Variants in DCHS1 observed in about 807,000 individuals in gnomAD.
DCHS1 encodes the protein dachsous cadherin-related 1.
DCHS1 carries 78 observed loss-of-function variants against 213.9 expected under a neutral mutation model. The ratio of observed to expected loss-of-function variants is 0.36; its 90% CI spans 0.30 to 0.44. DCHS1 has a LOEUF of 0.44. DCHS1 is among the 20% of genes least tolerant of loss of function. DCHS1 has a pLI of 1.00. For missense variants in DCHS1, 3,946 were observed against 4,395.9 expected (o/e 0.90, Z 2.89); for synonymous variants, 1,828 against 1,873.7 (o/e 0.98, Z 0.63).
At position 6,626,125 on chromosome 11, in the gene DCHS1, A is replaced by C; in HGVS notation, c.6576+44T>G. 6.3e-7 allele frequency: 1 copy of C among 1,596,086 alleles called. No individual in the cohort carries two copies. Among genetic ancestry groups the C allele is most frequent in the Non-Finnish European group, 8.5e-7 (1 of 1,171,276 alleles). On this transcript the variant is annotated intron_variant, in intron 16 of 20. Transcript: ENST00000299441. This position sits in a 1 kb window ranked among gnomAD's most constrained non-coding sequence, Gnocchi z 5.2. ...ACTGGTCTGGCCACAGACAAGTCTG[A>C]CTAGCCCTGCTCCCCCGCCCAATCT...
chr11:6,640,329 G>C lies in DCHS1; in HGVS notation c.1285C>G (p.Arg429Gly), dbSNP rs369236555. 4 of 1,609,920 alleles carry C rather than the reference G, an allele frequency of 2.5e-6. No individual in the cohort carries two copies. The South Asian group carries it at 4.4e-5, about 18-fold the overall frequency. The change falls in exon 2 of 21, where the codon CGG (arginine) becomes GGG (glycine). Residue 429 changes from arginine (R) to glycine (G), a missense_variant. By Grantham distance (125) the Arg-to-Gly change is moderately radical. Coordinates refer to ENST00000299441, the MANE Select transcript of DCHS1 (RefSeq NM_003737.4). This position sits in a 1 kb window ranked among gnomAD's most constrained non-coding sequence, Gnocchi z 6.5. ...SVIYLVCVAR[R>G]LDREERDAYN... The stretch of plus-strand genomic sequence containing the variant: ...GCATCCCTCTCCTCTCGATCCAGCC[G>C]CCGAGCCACACACACCAGATAGATG...
Position 6,624,288 on chromosome 11 carries a change from G to A in DCHS1, c.7388C>T (p.Ala2463Val). 6.3e-7 allele frequency: 1 copy of A among 1,598,546 alleles called. No homozygotes were observed. The highest frequency in any genetic ancestry group is 8.5e-7 in the Non-Finnish European group (1 of 1,173,572). The change falls in exon 21 of 21, where the codon GCA becomes GTA. Residue 2463 changes from alanine (A) to valine (V), a missense_variant. By Grantham distance (64) the Ala-to-Val change is moderately conservative. Around this residue, in one of 3 missense-constraint regions of DCHS1, gnomAD observed 3,384 missense variants for 3,780.1 expected, o/e 0.90. Transcript: ENST00000299441. ...CTGCACGTGCACTGTGGCTCGTGCT[G>A]CCCGGCCTGGAGCCCCGTGGTCTCG... Reference protein sequence around the residue: ...EARDHGAPGRAARATVHVQLQ... With the variant: ...EARDHGAPGRVARATVHVQLQ...
In DCHS1 at chr11:6,626,629, C is replaced by T; in HGVS notation, c.6287G>A (p.Gly2096Glu). The T allele has an allele frequency of 6.2e-7, 1 of 1,613,980 alleles. No homozygotes were observed. Among genetic ancestry groups the T allele is most frequent in the East Asian group, 2.2e-5 (1 of 44,882 alleles). ...PIVSPRAVHA[G>E]GTNGPITYSI... ...GTAGGTGATGGGTCCATTTGTGCCT[C>T]CTGCATGGACGGCCCTGGGGGAGAC... is the stretch of plus-strand genomic sequence containing the variant. The change falls in exon 15 of 21, where the codon GGA becomes GAA. Residue 2096 changes from glycine to glutamate, a missense_variant. Physicochemically the swap from Gly to Glu is moderately conservative, Grantham distance 98. Coordinates refer to ENST00000299441, the MANE Select transcript of DCHS1 (RefSeq NM_003737.4). The surrounding 1 kb of genome is among the most constrained non-coding windows in gnomAD (Gnocchi z 5.2).
At chr11:6,624,588 T>C in intron 20 of DCHS1, 142 bp downstream of exon 20, 3 of 1,387,282 alleles carry the variant, frequency 2.2e-6, no homozygotes, top group South Asian at 2.8e-5. Context: ...AAGGGGCTTA[T>C]AATGAAGACA....
chr11:6,638,592 GT>G (rs1475555561), intron 2 of DCHS1, among the ~76,000 whole-genome samples: 1 of 152,154 alleles, frequency 6.6e-6, no homozygotes, highest in South Asian at 2.1e-4. Flanking sequence ...AGTTTCATTA[GT>G]TCTTCAAGGC....
intron 1 of DCHS1, 38 bp downstream of exon 1, chr11:6,655,525 G>A: frequency 1.3e-5 from 13 of 977,044 alleles, no homozygotes; most frequent in East Asian, 1.2e-4. Flanking sequence ...GGGCAGGGCG[G>A]GCGCGGCCAG....
At chr11:6,631,984 C>T in intron 6 of DCHS1, 47 bp downstream of exon 6, 7 of 1,484,732 alleles carry the variant, frequency 4.7e-6, no homozygotes, top group Non-Finnish European at 6.2e-6. Context: ...GTTCACCAGG[C>T]TGGGGATAAG....
At chr11:6,629,422 T>G in intron 12 of DCHS1, 30 bp downstream of exon 12, 1 of 1,610,808 alleles carries the variant, frequency 6.2e-7, no homozygotes, top group Non-Finnish European at 8.5e-7. Context: ...AACACCTCAC[T>G]CAGGCTCTTG....
rs1468920606 is a variant in DCHS1, at chr11:6,631,615, C to T, written c.3675+1G>A. 1 of 1,573,940 alleles carries T rather than the reference C, an allele frequency of 6.4e-7. No individual in the cohort carries two copies. On this transcript the variant is annotated splice_donor_variant, in intron 7 of 20. Coordinates refer to ENST00000299441, the MANE Select transcript of DCHS1 (RefSeq NM_003737.4). LOFTEE classifies it high-confidence loss of function. ...GGACAAAGTCCTGCCACTTCACATA[C>T]CTGTATAGGGAGGCCCCCACCAGCA... is the stretch of plus-strand genomic sequence containing the variant.
In DCHS1 at chr11:6,632,015, G is replaced by A. The variant is rs777829727; in HGVS notation, c.3481+16C>T. ...ATAAGGCTATGCGGTCTCAGGATTT[G>A]GGTCTCTGTGCTCACCAGTCTGGGG... On this transcript the variant is annotated intron_variant, in intron 6 of 20. Transcript: ENST00000299441. The surrounding 1 kb of genome is among the most constrained non-coding windows in gnomAD (Gnocchi z 5.9). 1 of 1,498,524 alleles carries A rather than the reference G, an allele frequency of 6.7e-7. No individual in the cohort carries two copies. The highest frequency in any genetic ancestry group is 1.4e-5 in the South Asian group (1 of 73,856). 92.8% of individuals were successfully genotyped at this position (1,498,524 alleles called of 1,614,324 possible).
Position 6,641,678 on chromosome 11 carries a change from C to T in DCHS1, c.-65G>A, listed in dbSNP as rs1856078152. On this transcript the variant is annotated 5_prime_UTR_variant, in exon 2 of 21. Coordinates refer to ENST00000299441, the MANE Select transcript of DCHS1 (RefSeq NM_003737.4). The surrounding 1 kb of genome is among the most constrained non-coding windows in gnomAD (Gnocchi z 7.1). The stretch of plus-strand genomic sequence containing the variant: ...GGCCAGGCTCTGGGCCCAGCTTGAC[C>T]TCAGACTTTGGGTCAGGTCCCACTG... 22 of 1,474,960 alleles carry T rather than the reference C, an allele frequency of 1.5e-5. No individual in the cohort carries two copies. The highest frequency in any genetic ancestry group is 2.0e-5 in the Non-Finnish European group (22 of 1,109,538). 91.4% of individuals were successfully genotyped at this position (1,474,960 alleles called of 1,614,324 possible). A position where few individuals can be genotyped will look rare whatever the true frequency, so the allele number is the denominator to read the frequency against.
Position 6,630,207 on chromosome 11 carries a change from G to C in DCHS1, c.4587C>G (p.Arg1529=). ...PANASRRRAA[R]VSARVFVTDE... is the part of the protein sequence containing the mutation. ...CCGTGACGAAGACGCGCGCTGAAACGCGCGCTGCACGACGGCGGCTGGCGT... is the reference window on the plus strand; with the variant it reads ...CCGTGACGAAGACGCGCGCTGAAACCCGCGCTGCACGACGGCGGCTGGCGT... The change falls in exon 10 of 21, where the codon CGC becomes CGG. Residue 1529 remains arginine, a synonymous_variant. Coordinates refer to ENST00000299441, the MANE Select transcript of DCHS1 (RefSeq NM_003737.4). The C allele has an allele frequency of 6.3e-7, 1 of 1,575,808 alleles. No individual in the cohort carries two copies. The highest frequency in any genetic ancestry group is 8.6e-7 in the Non-Finnish European group (1 of 1,162,290).
In DCHS1 at chr11:6,621,813, A is replaced by G; in HGVS notation, c.9863T>C (p.Leu3288Pro). The change falls in exon 21 of 21, where the codon CTG becomes CCG. Residue 3288 changes from leucine to proline, a missense_variant. Transcript: ENST00000299441. The part of the protein sequence containing the change: ...SASALSAESG[L>P]EPPDDTELHI ...CAGCTCCGTGTCATCAGGTGGCTCCAGGCCAGACTCTGCGCTGAGTGCTGA... is the reference window on the plus strand; with the variant it reads ...CAGCTCCGTGTCATCAGGTGGCTCCGGGCCAGACTCTGCGCTGAGTGCTGA... 2 of 1,603,170 alleles carry G rather than the reference A, an allele frequency of 1.2e-6. No homozygotes were observed. Among genetic ancestry groups the G allele is most frequent in the Non-Finnish European group, 1.7e-6 (2 of 1,175,300 alleles).
At position 6,621,778 on chromosome 11, in the gene DCHS1, G is replaced by C. The variant is rs761977687; in HGVS notation, c.*1C>G. On this transcript the variant is annotated 3_prime_UTR_variant, in exon 21 of 21. Transcript: ENST00000299441. Reference sequence around the variant, plus strand: ...AGGTCGGGGCCCAGCCTGGGCCACAGCTAGATGTGCAGCTCCGTGTCATCA... The same window carrying C: ...AGGTCGGGGCCCAGCCTGGGCCACACCTAGATGTGCAGCTCCGTGTCATCA... 6 of 1,577,774 alleles carry C rather than the reference G, an allele frequency of 3.8e-6. No homozygotes were observed. The highest frequency in any genetic ancestry group is 5.2e-6 in the Non-Finnish European group (6 of 1,162,490).
intron 1 of DCHS1, among the ~76,000 whole-genome samples, chr11:6,647,338 G>A (rs1856177080): frequency 1.3e-5 from 2 of 152,156 alleles, no homozygotes; most frequent in South Asian, 2.1e-4. Context: ...TGCGTGCTGG[G>A]CCAGAGCTGG....
At position 6,632,541 on chromosome 11, in the gene DCHS1, C is replaced by T. The variant is rs1218386917; in HGVS notation, c.2971G>A (p.Val991Met). 3.3e-6 allele frequency: 5 copies of T among 1,528,512 alleles called. No individual in the cohort carries two copies. Among genetic ancestry groups the T allele is most frequent in the Middle Eastern group, 1.7e-4 (1 of 5,750 alleles). 94.7% of individuals were successfully genotyped at this position (1,528,512 alleles called of 1,614,324 possible). ...HFRLRVVVQD[V>M]GTRGLAPRFN... Reference sequence around the variant, plus strand: ...CGGGGAGCCAGCCCACGGGTTCCCACATCCTGTACCACCACCCGTAGTCGA... The same window carrying T: ...CGGGGAGCCAGCCCACGGGTTCCCATATCCTGTACCACCACCCGTAGTCGA... Residue 991 changes from valine to methionine, a missense_variant, in exon 6 of 21, where the codon GTG becomes ATG. By Grantham distance (21) the Val-to-Met change is conservative (BLOSUM62 1). Around this residue, in one of 3 missense-constraint regions of DCHS1, gnomAD observed 3,384 missense variants for 3,780.1 expected, o/e 0.90. Transcript: ENST00000299441. The surrounding 1 kb of genome is among the most constrained non-coding windows in gnomAD (Gnocchi z 5.9).
At chr11:6,633,707 A>G in intron 4 of DCHS1, 59 bp from the exon 5 acceptor site, 1 of 1,604,536 alleles carries the variant, frequency 6.2e-7, no homozygotes, top group South Asian at 1.1e-5. Context: ...TAGAAAGGTT[A>G]TGGAGGAGGT....
chr11:6,626,152 T>C lies in DCHS1; in HGVS notation c.6576+17A>G. 2 of 1,599,604 alleles carry C rather than the reference T, an allele frequency of 1.3e-6. No homozygotes were observed. The highest frequency in any genetic ancestry group is 1.7e-6 in the Non-Finnish European group (2 of 1,173,208). ...TAGCCCTGCTCCCCCGCCCAATCTT[T>C]CCATCACACCCCGCACCTGCAGCAG... On this transcript the variant is annotated intron_variant, in intron 16 of 20. Coordinates refer to ENST00000299441, the MANE Select transcript of DCHS1 (RefSeq NM_003737.4). This position sits in a 1 kb window ranked among gnomAD's most constrained non-coding sequence, Gnocchi z 5.2.
chr11:6,631,264 T>C, intron 8 of DCHS1, 47 bp downstream of exon 8: 1 of 1,613,826 alleles, frequency 6.2e-7, no homozygotes. Flanking sequence ...GGGCAGGCCA[T>C]GAGGGCATGC....
Sources: allele counts gnomAD v4.1 joint callset (sites outside exome capture counted in the v4.1 genomes callset), GRCh38; gene constraint gnomAD v4.1.1; regional missense constraint gnomAD v4.1.1; non-coding constraint Gnocchi (gnomAD v3.1); transcripts MANE v1.5; gene names NCBI Gene and HGNC (gene_info 2026-07-23, HGNC 2026-07-21).